Variants in CUL1 observed in about 807,000 individuals in gnomAD.
CUL1 encodes cullin-1.
CUL1 carries 24 observed loss-of-function variants against 118.0 expected under a neutral mutation model. The observed-to-expected ratio is 0.20, with a 90% CI of 0.15 to 0.29. CUL1 has a LOEUF of 0.29. CUL1 is among the 10% of genes least tolerant of loss of function. CUL1 has a pLI of 1.00. For missense variants in CUL1, 361 were observed against 933.8 expected (o/e 0.39, Z 7.99); for synonymous variants, 332 against 340.4 (o/e 0.98, Z 0.27).
chr7:148,734,550 T>C (rs1798876628), intron 2 of CUL1, among the ~76,000 whole-genome samples: 1 of 152,236 alleles, frequency 6.6e-6, no homozygotes, highest in African/African-American at 2.4e-5. Context: ...GGCCTGTTTT[T>C]CTTGTGCAAT....
intron 1 of CUL1, among the ~76,000 whole-genome samples, chr7:148,723,460 G>A (rs1321367524): frequency 6.6e-6 from 1 of 152,142 alleles, no homozygotes; most frequent in Non-Finnish European, 1.5e-5. Flanking sequence ...CCTCTCTGAT[G>A]TTTGCTGTCT....
intron 9 of CUL1, among the ~76,000 whole-genome samples, chr7:148,771,983 C>T (rs1472569603): frequency 2.0e-5 from 3 of 152,122 alleles, no homozygotes; most frequent in Non-Finnish European, 2.9e-5. Context: ...CTTAATTTTT[C>T]TTATTTGACC....
chr7:148,800,835 C>A lies in CUL1; in HGVS notation c.*253C>A. On this transcript the variant is annotated 3_prime_UTR_variant, in exon 22 of 22. Coordinates refer to ENST00000325222, the MANE Select transcript of CUL1 (RefSeq NM_003592.3). The surrounding 1 kb of genome is among the most constrained non-coding windows in gnomAD (Gnocchi z 4.6). Reference sequence around the variant, plus strand: ...AACAGCGGGGACTGACCCTCCGTGCCGAGGGCTGCATGCTACCGCACTAAG... The same window carrying A: ...AACAGCGGGGACTGACCCTCCGTGCAGAGGGCTGCATGCTACCGCACTAAG... 1 of 395,068 alleles carries A rather than the reference C, an allele frequency of 2.5e-6. No individual in the cohort carries two copies. Among genetic ancestry groups the A allele is most frequent in the Non-Finnish European group, 4.6e-6 (1 of 216,582 alleles). 24.5% of individuals were successfully genotyped at this position (395,068 alleles called of 1,614,324 possible).
At chr7:148,770,636 C>T (rs1186354681) in intron 9 of CUL1, among the ~76,000 whole-genome samples, 1 of 152,144 alleles carries the variant, frequency 6.6e-6, no homozygotes, top group African/African-American at 2.4e-5. Flanking sequence ...TTCCTCGTGC[C>T]CTTCCCTGCT....
chr7:148,724,503 A>AGT (rs936171744), intron 1 of CUL1, among the ~76,000 whole-genome samples: 9 of 152,092 alleles, frequency 5.9e-5, no homozygotes, highest in African/African-American at 1.9e-4. Context: ...GCCAGCAGCT[A>AGT]GTGTGTGTGT....
At chr7:148,734,542 C>G (rs544678293) in intron 2 of CUL1, among the ~76,000 whole-genome samples, 3 of 152,214 alleles carry the variant, frequency 2.0e-5, no homozygotes, top group Non-Finnish European at 4.4e-5. Context: ...CCGCACCTGG[C>G]CTGTTTTTCT....
intron 11 of CUL1, among the ~76,000 whole-genome samples, chr7:148,784,424 T>A (rs1460287129): frequency 6.6e-6 from 1 of 152,214 alleles, no homozygotes; most frequent in Non-Finnish European, 1.5e-5. Flanking sequence ...AGTTTTAAAT[T>A]TATTTTTGTT....
At chr7:148,730,373 AAAT>A in intron 2 of CUL1, 111 bp downstream of exon 2, 3 of 1,239,878 alleles carry the variant, frequency 2.4e-6, no homozygotes, top group Non-Finnish European at 3.3e-6. Context: ...TCATCATGTA[AAAT>A]AATCGCAGGG....
chr7:148,720,584 A>G (rs1464284942), intron 1 of CUL1, among the ~76,000 whole-genome samples: 2 of 152,132 alleles, frequency 1.3e-5, no homozygotes, highest in African/African-American at 2.4e-5. Flanking sequence ...ATAGGATTAG[A>G]TATTTGGGCA....
At chr7:148,699,281 G>A (rs961456188) in intron 1 of CUL1, among the ~76,000 whole-genome samples, 24 of 151,746 alleles carry the variant, frequency 1.6e-4, no homozygotes, top group Non-Finnish European at 2.4e-4. Context: ...GGGCCGGGGC[G>A]GCCAGGCCTG....
rs1159419280 is a variant in CUL1, at chr7:148,787,833, G to A, written c.1479+713G>A. On this transcript the variant is annotated intron_variant, in intron 13 of 21. Coordinates refer to ENST00000325222, the MANE Select transcript of CUL1 (RefSeq NM_003592.3). This position sits in a 1 kb window ranked among gnomAD's most constrained non-coding sequence, Gnocchi z 5.5. ...CCTCTGCCACCTCCTTTGCGTGCCT[G>A]TGTGTCGGCGCTGTCGAGTGCTCTT... is the stretch of plus-strand genomic sequence containing the variant. 6.6e-6 allele frequency among the ~76,000 whole-genome samples: 1 copy of A among 152,198 alleles called. No homozygotes were observed. Among genetic ancestry groups the A allele is most frequent in the African/African-American group, 2.4e-5 (1 of 41,454 alleles).
intron 9 of CUL1, among the ~76,000 whole-genome samples, chr7:148,773,116 T>C (rs1800272368): frequency 6.6e-6 from 1 of 152,198 alleles, no homozygotes; most frequent in African/African-American, 2.4e-5. Context: ...TACCACTTAA[T>C]ACATTTATAA....
rs1800847705 is a variant in CUL1 at position 148,787,312 on chromosome 7, A to AT, written c.1479+194dup. ...CCCATCTCTGCTAAAAATACAAAAC[A>AT]TTAGCCGGGCATGGTGGTGGGCGCC... On this transcript the variant is annotated intron_variant, in intron 13 of 21. Coordinates refer to ENST00000325222, the MANE Select transcript of CUL1 (RefSeq NM_003592.3). The surrounding 1 kb of genome is among the most constrained non-coding windows in gnomAD (Gnocchi z 5.5). Among the ~76,000 whole-genome samples, 1 of 151,756 alleles carries AT rather than the reference A, an allele frequency of 6.6e-6. No homozygotes were observed. Among genetic ancestry groups the AT allele is most frequent in the African/African-American group, 2.4e-5 (1 of 41,306 alleles).
Position 148,754,142 on chromosome 7 carries a change from C to A in CUL1, c.307C>A (p.Leu103Ile). The A allele has an allele frequency of 6.3e-7, 1 of 1,595,914 alleles. No individual in the cohort carries two copies. The highest frequency in any genetic ancestry group is 8.6e-7 in the Non-Finnish European group (1 of 1,167,790). ...ATTTTTGAAGAATTACTTGACAAAT[C>A]TTCTTAAGGTAAGATGTTTTATATA... ...KEFLKNYLTN[L>I]LKDGEDLMDE... The change falls in exon 3 of 22, where the codon CTT (leucine) becomes ATT (isoleucine). Residue 103 changes from leucine (L) to isoleucine (I), a missense_variant. This residue lies in a region of CUL1 where 49 missense variants were observed against 67.4 expected (regional missense o/e 0.73). Coordinates refer to ENST00000325222, the MANE Select transcript of CUL1 (RefSeq NM_003592.3).
intron 9 of CUL1, among the ~76,000 whole-genome samples, chr7:148,782,327 G>C (rs1233861926): frequency 1.3e-5 from 2 of 152,224 alleles, no homozygotes. Flanking sequence ...TCACTCTGAA[G>C]ATTAAGACCA....
intron 1 of CUL1, among the ~76,000 whole-genome samples, chr7:148,706,298 CTG>C (rs1351450572): frequency 6.6e-6 from 1 of 152,202 alleles, no homozygotes; most frequent in Non-Finnish European, 1.5e-5. Context: ...GAGCCAAAGA[CTG>C]TGCCGAGCTT....
Position 148,798,863 on chromosome 7 carries a change from C to CA in CUL1, c.2136+187dup, listed in dbSNP as rs1172501388. 2.6e-5 allele frequency among the ~76,000 whole-genome samples: 4 copies of CA among 152,222 alleles called. No individual in the cohort carries two copies. In the East Asian group the frequency reaches 7.7e-4, roughly 29 times the overall value. ...TATCTGAATTAGTCCTTTATGTCACCAGGCAAAACAGGGCAGTCCTCTTGC... is the reference window on the plus strand; with the variant it reads ...TATCTGAATTAGTCCTTTATGTCACCAAGGCAAAACAGGGCAGTCCTCTTGC... On this transcript the variant is annotated intron_variant, in intron 20 of 21. Coordinates refer to ENST00000325222, the MANE Select transcript of CUL1 (RefSeq NM_003592.3).
rs142765763 is a variant in CUL1, at chr7:148,712,511, C to T, written c.-162+13482C>T. ...AAGGTATTGTGGAGTTTTCAGGTAA[C>T]GTTAATTTACTTCATTTTGACTTCA... On this transcript the variant is annotated intron_variant, in intron 1 of 21. Transcript: ENST00000325222. Among the ~76,000 whole-genome samples, 206 of 152,232 alleles carry T rather than the reference C, an allele frequency of 1.4e-3. 5 individuals carry two copies. The highest frequency in any genetic ancestry group is 1.4e-3 in the Non-Finnish European group (97 of 68,008).
intron 1 of CUL1, among the ~76,000 whole-genome samples, chr7:148,725,591 C>T (rs187420977): frequency 7.2e-4 from 109 of 152,320 alleles, no homozygotes; most frequent in African/African-American, 2.4e-3. Flanking sequence ...GGGTGCCCAT[C>T]TCTAAGAAGC....
Sources: allele counts gnomAD v4.1 joint callset (sites outside exome capture counted in the v4.1 genomes callset), GRCh38; gene constraint gnomAD v4.1.1; regional missense constraint gnomAD v4.1.1; non-coding constraint Gnocchi (gnomAD v3.1); transcripts MANE v1.5; gene names NCBI Gene and HGNC (gene_info 2026-07-23, HGNC 2026-07-21).